GABRB3: variants seen among roughly 807,000 people sequenced by gnomAD.
The protein encoded by GABRB3 is gamma-aminobutyric acid type A receptor subunit beta3.
Under a neutral mutation model 52.1 loss-of-function variants are expected in GABRB3, and 14 were observed. The ratio of observed to expected loss-of-function variants is 0.27; its 90% CI spans 0.18 to 0.42. GABRB3 has a LOEUF of 0.42. Ranked by LOEUF, GABRB3 falls within the 10% of genes least tolerant of loss-of-function variation. GABRB3 has a pLI of 1.00. For synonymous variants in GABRB3, 260 were observed against 232.3 expected, an observed-to-expected ratio of 1.12 and a Z score of -1.08; for missense variants, 307 against 609.1, an observed-to-expected ratio of 0.50 and a Z score of 5.22.
chr15:26,624,557 G>A (rs753691558), intron 3 of GABRB3: 584 of 985,312 alleles, frequency 5.9e-4, no homozygotes, highest in Non-Finnish European at 6.8e-4. Flanking sequence ...GTCGCTCTCC[G>A]CACCACCAGC....
intron 8 of GABRB3, among the ~76,000 whole-genome samples, chr15:26,558,985 A>G (rs778441281): frequency 2.0e-5 from 3 of 152,218 alleles, no homozygotes; most frequent in South Asian, 4.1e-4. Flanking sequence ...GGAAACTTAT[A>G]ATCATGGCAG....
intron 6 of GABRB3, 89 bp downstream of exon 6, chr15:26,580,230 T>C (rs1438721894): frequency 6.1e-6 from 9 of 1,476,862 alleles, no homozygotes; most frequent in Admixed American, 1.7e-5. Context: ...GATCCTGTGC[T>C]GTGAGTCTAT....
Position 26,546,073 on chromosome 15 carries a change from G to T in GABRB3, c.*1720C>A, listed in dbSNP as rs1254509797. 2 of 152,574 alleles carry T rather than the reference G, an allele frequency of 1.3e-5. No homozygotes were observed. The highest frequency in any genetic ancestry group is 2.9e-5 in the Non-Finnish European group (2 of 68,060). 9.5% of individuals were successfully genotyped at this position (152,574 alleles called of 1,614,324 possible). On this transcript the variant is annotated 3_prime_UTR_variant, in exon 9 of 9. Transcript: ENST00000311550. ...TGCCTCTACCTACATCGAGACAACT[G>T]GGGCCTACCATTGGAGCACTCTGGT...
At chr15:26,549,593 G>A (rs893117194) in intron 8 of GABRB3, among the ~76,000 whole-genome samples, 15 of 152,156 alleles carry the variant, frequency 9.9e-5, no homozygotes, top group Non-Finnish European at 2.1e-4. Flanking sequence ...GTTATTTTCA[G>A]TTGCCATGAA....
chr15:26,670,189 G>A (rs915903855), intron 3 of GABRB3, among the ~76,000 whole-genome samples: 3 of 152,234 alleles, frequency 2.0e-5, no homozygotes, highest in Admixed American at 1.3e-4. Flanking sequence ...CAAGCCCAGC[G>A]GGTAAGCGGG....
At chr15:26,618,743 G>T (rs1477097309) in intron 4 of GABRB3, among the ~76,000 whole-genome samples, 3 of 151,946 alleles carry the variant, frequency 2.0e-5, no homozygotes, top group East Asian at 3.9e-4. Flanking sequence ...CTACAAAATG[G>T]GAGAAAATTT....
intron 3 of GABRB3, among the ~76,000 whole-genome samples, chr15:26,701,403 G>A (rs994988578): frequency 6.6e-6 from 1 of 152,160 alleles, no homozygotes; most frequent in Admixed American, 6.5e-5. Context: ...AGACTGTGGG[G>A]TATCAAGTCA....
intron 4 of GABRB3, among the ~76,000 whole-genome samples, chr15:26,620,208 G>A (rs559330748): frequency 1.9e-4 from 29 of 152,250 alleles, no homozygotes; most frequent in Admixed American, 1.1e-3. Flanking sequence ...GAAGGAACAC[G>A]ATGGCTTGGT....
At chr15:26,622,285 T>G (rs1478872538) in intron 3 of GABRB3, among the ~76,000 whole-genome samples, 1 of 152,170 alleles carries the variant, frequency 6.6e-6, no homozygotes, top group African/African-American at 2.4e-5. Flanking sequence ...TGCTTTCGTT[T>G]TGCCAAAGCA....
chr15:26,733,610 GT>G (rs1186114366), intron 3 of GABRB3, among the ~76,000 whole-genome samples: 1 of 152,132 alleles, frequency 6.6e-6, no homozygotes, highest in Non-Finnish European at 1.5e-5. Flanking sequence ...ACCCATTGAT[GT>G]TTTATGCAGA....
At chr15:26,753,407 A>T (rs1377085968) in intron 3 of GABRB3, among the ~76,000 whole-genome samples, 1 of 152,222 alleles carries the variant, frequency 6.6e-6, no homozygotes, top group African/African-American at 2.4e-5. Flanking sequence ...ACTGGGAAAA[A>T]AGGAGCGGTC....
chr15:26,758,143 T>C (rs370955397), intron 3 of GABRB3, among the ~76,000 whole-genome samples: 22 of 151,806 alleles, frequency 1.4e-4, no homozygotes, highest in African/African-American at 5.3e-4. Context: ...TTTGTGATAA[T>C]ACACAGAAAA....
intron 4 of GABRB3, chr15:26,616,154 A>T (rs535403371): frequency 8.7e-7 from 1 of 1,146,326 alleles, no homozygotes; most frequent in African/African-American, 1.6e-5. Context: ...CAACAGTAAA[A>T]AGACACGGGA....
At chr15:26,635,144 C>T (rs1363582509) in intron 3 of GABRB3, among the ~76,000 whole-genome samples, 1 of 151,240 alleles carries the variant, frequency 6.6e-6, no homozygotes, top group Non-Finnish European at 1.5e-5. Context: ...GCAGTGACTC[C>T]AGTGATATCA....
intron 6 of GABRB3, among the ~76,000 whole-genome samples, chr15:26,572,047 GAAAAAAAAAAAA>G (rs67382387): frequency 1.9e-5 from 1 of 53,108 alleles, no homozygotes; most frequent in East Asian, 7.0e-4. Flanking sequence ...TCCGTCTCAA[GAAAAAAAAAAAA>G]AAAAAAAAAG....
intron 6 of GABRB3, among the ~76,000 whole-genome samples, chr15:26,571,433 C>G (rs544057071): frequency 6.6e-6 from 1 of 152,186 alleles, no homozygotes. Context: ...ACTTTTATGT[C>G]AGGAGAACGG....
At chr15:26,751,830 T>C (rs148061478) in intron 3 of GABRB3, among the ~76,000 whole-genome samples, 146 of 152,102 alleles carry the variant, frequency 9.6e-4, no homozygotes, top group Non-Finnish European at 1.6e-3. Flanking sequence ...AAAAAAGCCA[T>C]GTTCTTGCAC....
intron 3 of GABRB3, among the ~76,000 whole-genome samples, chr15:26,641,113 A>G (rs1472614965): frequency 6.6e-6 from 1 of 152,222 alleles, no homozygotes; most frequent in Admixed American, 6.5e-5. Flanking sequence ...AAGGTTAAAC[A>G]GAACGGTATG....
intron 4 of GABRB3, among the ~76,000 whole-genome samples, chr15:26,602,985 A>T (rs1172473644): frequency 1.3e-5 from 2 of 152,022 alleles, no homozygotes; most frequent in African/African-American, 4.8e-5. Context: ...AAGTTTTTTT[A>T]AAAGAGAAAC....
Sources: allele counts gnomAD v4.1 joint callset (sites outside exome capture counted in the v4.1 genomes callset), GRCh38; gene constraint gnomAD v4.1.1; transcripts MANE v1.5; gene names NCBI Gene and HGNC (gene_info 2026-07-23, HGNC 2026-07-21).